NFYC: variants seen among roughly 807,000 people sequenced by gnomAD.
NFYC encodes nuclear transcription factor Y subunit gamma.
Under a neutral mutation model 53.1 loss-of-function variants are expected in NFYC, and 25 were observed. That is an observed-to-expected ratio of 0.47 (90% CI 0.34 to 0.66). NFYC has a LOEUF of 0.66. Among genes scored for constraint, NFYC ranks in the 30% least tolerant of loss-of-function variants. The pLI is 0.01. For synonymous variants in NFYC, 145 were observed against 152.6 expected, an observed-to-expected ratio of 0.95 and a Z score of 0.37; for missense variants, 260 against 422.7, an observed-to-expected ratio of 0.62 and a Z score of 3.38.
At chr1:40,715,351 C>T (rs1644094189) in intron 1 of NFYC, among the ~76,000 whole-genome samples, 1 of 151,836 alleles carries the variant, frequency 6.6e-6, no homozygotes, top group African/African-American at 2.4e-5. Context: ...CCACTGCACT[C>T]CAGCCTGGGC....
chr1:40,754,307 AC>A (rs1224407310), intron 5 of NFYC: 1 of 533,824 alleles, frequency 1.9e-6, no homozygotes, highest in Non-Finnish European at 3.8e-6. Context: ...GCCCTCTGTC[AC>A]CTCCTTACTA....
Position 40,738,870 on chromosome 1 carries a change from T to C in NFYC, c.27T>C (p.Gly9=), listed in dbSNP as rs759343771. 1.9e-6 allele frequency: 3 copies of C among 1,614,122 alleles called. No individual in the cohort carries two copies. In the Admixed American group the frequency reaches 5.0e-5, roughly 27 times the overall value. ...TGTCCACAGAAGGAGGATTTGGTGG[T>C]ACTAGCAGCAGTGATGCCCAGCAAA... MSTEGGFG[G]TSSSDAQQSL... The change falls in exon 2 of 10, where the codon GGT becomes GGC. Residue 9 remains glycine, a synonymous_variant. Transcript: ENST00000447388.
intron 1 of NFYC, among the ~76,000 whole-genome samples, chr1:40,720,957 A>G (rs1023113832): frequency 2.6e-5 from 4 of 152,152 alleles, no homozygotes; most frequent in Non-Finnish European, 5.9e-5. Flanking sequence ...TGCAAGGCAT[A>G]TTTGCCTTGA....
In NFYC at chr1:40,720,634, A is replaced by G. The variant is rs754316762; in HGVS notation, c.-8-18202A>G. Among the ~76,000 whole-genome samples, 4 of 152,314 alleles carry G rather than the reference A, an allele frequency of 2.6e-5. No individual in the cohort carries two copies. The East Asian group carries it at 7.7e-4, about 29-fold the overall frequency. On this transcript the variant is annotated intron_variant, in intron 1 of 9. Coordinates refer to ENST00000447388, the MANE Select transcript of NFYC (RefSeq NM_014223.5). ...GTAATCCCAGCACTTTGGCAGGCCA[A>G]AGTGAGAGGATCACTTGAGCCCAGG...
chr1:40,743,038 G>A (rs377035883), intron 2 of NFYC, among the ~76,000 whole-genome samples: 4 of 152,108 alleles, frequency 2.6e-5, no homozygotes, highest in African/African-American at 9.7e-5. Context: ...GTTTAAACTA[G>A]CCAATCATAA....
intron 1 of NFYC, among the ~76,000 whole-genome samples, chr1:40,696,299 A>T (rs2148402730): frequency 6.6e-6 from 1 of 152,342 alleles, no homozygotes; most frequent in Non-Finnish European, 1.5e-5. Context: ...GTGGGATTAC[A>T]GGTGTTAGCC....
At chr1:40,754,460 C>G (rs771673258) in intron 5 of NFYC, 1 of 533,124 alleles carries the variant, frequency 1.9e-6, no homozygotes, top group Non-Finnish European at 3.9e-6. Context: ...TCGTCCCCAG[C>G]TACGCACCGG....
chr1:40,732,253 T>G (rs2148554265), intron 1 of NFYC, among the ~76,000 whole-genome samples: 1 of 152,358 alleles, frequency 6.6e-6, no homozygotes, highest in East Asian at 1.9e-4. Context: ...AATAGAGAGC[T>G]GAACTGAAGT....
At chr1:40,706,680 A>G (rs1483452802) in intron 1 of NFYC, among the ~76,000 whole-genome samples, 1 of 152,206 alleles carries the variant, frequency 6.6e-6, no homozygotes, top group Non-Finnish European at 1.5e-5. Context: ...AAAAGAAAAG[A>G]AAAACATGCT....
At chr1:40,724,179 G>T (rs1644425302) in intron 1 of NFYC, among the ~76,000 whole-genome samples, 1 of 152,118 alleles carries the variant, frequency 6.6e-6, no homozygotes, top group African/African-American at 2.4e-5. Context: ...AGACCAACCT[G>T]GTCAACATGG....
At chr1:40,763,979 A>G (rs574085118) in intron 7 of NFYC, among the ~76,000 whole-genome samples, 1 of 152,324 alleles carries the variant, frequency 6.6e-6, no homozygotes, top group South Asian at 2.1e-4. Context: ...GCCTGCAGCA[A>G]AGTGTATTTT....
At position 40,715,370 on chromosome 1, in the gene NFYC, G is replaced by A. The variant is rs938447591; in HGVS notation, c.-8-23466G>A. Among the ~76,000 whole-genome samples the A allele has an allele frequency of 3.3e-5, 5 of 151,608 alleles. No homozygotes were observed. The East Asian group carries it at 5.8e-4, about 18-fold the overall frequency. On this transcript the variant is annotated intron_variant, in intron 1 of 9. Coordinates refer to ENST00000447388, the MANE Select transcript of NFYC (RefSeq NM_014223.5). ...TGCACTCCAGCCTGGGCAACAGAGT[G>A]AGATTCCGTCTCAAGAAAAAAAAAC...
At chr1:40,740,181 A>T (rs1348679916) in intron 2 of NFYC, among the ~76,000 whole-genome samples, 1 of 152,204 alleles carries the variant, frequency 6.6e-6, no homozygotes, top group Non-Finnish European at 1.5e-5. Flanking sequence ...CTGGCAGAGC[A>T]GACACTGGAT....
At chr1:40,757,836 T>C (rs1646312152) in intron 5 of NFYC, 16 of 509,116 alleles carry the variant, frequency 3.1e-5, no homozygotes, top group Non-Finnish European at 5.3e-5. Flanking sequence ...TGGTTTTTAG[T>C]TACGGTACTT....
At chr1:40,734,710 A>G (rs1282674238) in intron 1 of NFYC, 1 of 152,182 alleles carries the variant, frequency 6.6e-6, no homozygotes, top group East Asian at 1.9e-4. Flanking sequence ...AGCTCCATGC[A>G]AAGAATGGAT....
chr1:40,765,326 T>G (rs1250321723), intron 7 of NFYC, among the ~76,000 whole-genome samples: 4 of 152,216 alleles, frequency 2.6e-5, no homozygotes, highest in Non-Finnish European at 5.9e-5. Flanking sequence ...TCCCTCCATC[T>G]TGCCTCAAGT....
intron 4 of NFYC, among the ~76,000 whole-genome samples, chr1:40,751,640 C>A (rs1274798178): frequency 3.3e-5 from 5 of 152,090 alleles, no homozygotes; most frequent in Non-Finnish European, 7.3e-5. Context: ...CTTGAAACTC[C>A]TGGCTCAAGC....
intron 2 of NFYC, among the ~76,000 whole-genome samples, chr1:40,745,369 A>T (rs1490762466): frequency 2.0e-5 from 3 of 152,170 alleles, no homozygotes. Flanking sequence ...CAAAGGAATG[A>T]TCATCCCTAG....
At chr1:40,704,373 A>C (rs1643593374) in intron 1 of NFYC, among the ~76,000 whole-genome samples, 1 of 152,088 alleles carries the variant, frequency 6.6e-6, no homozygotes, top group Non-Finnish European at 1.5e-5. Context: ...GCCCAGCCTG[A>C]TTTGAGTGTT....
Sources: allele counts gnomAD v4.1 joint callset (sites outside exome capture counted in the v4.1 genomes callset), GRCh38; gene constraint gnomAD v4.1.1; transcripts MANE v1.5; gene names NCBI Gene and HGNC (gene_info 2026-07-23, HGNC 2026-07-21).